Variants in OTC observed in about 807,000 individuals in gnomAD.
OTC encodes ornithine transcarbamylase.
Under a neutral mutation model 30.3 loss-of-function variants are expected in OTC, and 3 were observed. The observed-to-expected ratio is 0.10, with a 90% CI of 0.05 to 0.26. The LOEUF is 0.26. Among genes scored for constraint, OTC ranks in the 10% least tolerant of loss-of-function variants. The probability of loss-of-function intolerance (pLI) is 1.00; values close to 1 mark genes in which losing one functional copy is unlikely to be tolerated. For synonymous variants in OTC, 111 were observed against 99.7 expected (o/e 1.11, Z -0.67); for missense variants, 194 against 260.3 (o/e 0.75, Z 1.75).
At chrX:38,332,522 A>ATATATATATATATATATATC in the OTC span, among the ~76,000 whole-genome samples, 1 of 88,372 alleles carries the variant, frequency 1.1e-5, no homozygotes, top group East Asian at 3.5e-4. Context: ...ATATATATAT[A>ATATATATATATATATATATC]TATATATATA....
At chrX:38,344,236 TATATACAC>T in the OTC span, among the ~76,000 whole-genome samples, 11 of 33,005 alleles carry the variant, frequency 3.3e-4, no homozygotes, top group African/African-American at 1.3e-3. Flanking sequence ...GTGATATATA[TATATACAC>T]ACACACACAC....
At chrX:38,392,890 T>G (rs2068435929) in intron 4 of OTC, among the ~76,000 whole-genome samples, 1 of 112,607 alleles carries the variant, frequency 8.9e-6, no homozygotes. Context: ...GTCCTTTGTT[T>G]ACAGTCCAAT....
chrX:38,398,886 T>C (rs761292439), intron 4 of OTC, among the ~76,000 whole-genome samples: 1 of 111,407 alleles, frequency 9.0e-6, no homozygotes, highest in Non-Finnish European at 1.9e-5. Context: ...CTGGGAACCA[T>C]TGTCTTAGGG....
intron 9 of OTC, among the ~76,000 whole-genome samples, chrX:38,418,402 T>G (rs2068579830): frequency 8.9e-6 from 1 of 112,343 alleles, no homozygotes; most frequent in African/African-American, 3.2e-5. Flanking sequence ...GATGTATGGT[T>G]TACAAATATT....
At chrX:38,412,893 G>T (rs995744773) in intron 9 of OTC, among the ~76,000 whole-genome samples, 2 of 112,265 alleles carry the variant, frequency 1.8e-5, no homozygotes, top group African/African-American at 6.5e-5. Context: ...TGACACTGTG[G>T]TTCTTTTGTA....
At chrX:38,414,133 A>G (rs1430773045) in intron 9 of OTC, among the ~76,000 whole-genome samples, 4 of 112,038 alleles carry the variant, frequency 3.6e-5, no homozygotes, top group South Asian at 3.7e-4. Flanking sequence ...GTTTTTCATC[A>G]GAAGACAATT....
intron 4 of OTC, among the ~76,000 whole-genome samples, chrX:38,387,291 T>C (rs1445145777): frequency 8.9e-6 from 1 of 112,059 alleles, no homozygotes; most frequent in Non-Finnish European, 1.9e-5. Context: ...TGCAGAAGCT[T>C]TTTAGATCTC....
chrX:38,399,812 T>G (rs1168248908), intron 4 of OTC, among the ~76,000 whole-genome samples: 2 of 111,437 alleles, frequency 1.8e-5, no homozygotes, highest in Non-Finnish European at 3.8e-5. Flanking sequence ...ACCCCTTGTC[T>G]TAGTCCACCA....
intron 9 of OTC, among the ~76,000 whole-genome samples, chrX:38,416,583 T>G (rs1295173634): frequency 7.1e-5 from 8 of 112,218 alleles, no homozygotes; most frequent in African/African-American, 1.9e-4. Context: ...CAATATTTTA[T>G]AGTCATTTAC....
intron 4 of OTC, among the ~76,000 whole-genome samples, chrX:38,384,843 T>C (rs191522096): frequency 3.6e-5 from 4 of 112,590 alleles, no homozygotes; most frequent in African/African-American, 1.3e-4. Flanking sequence ...GCCAGTCTCT[T>C]GAAAGCTGTT....
At chrX:38,417,575 A>G (rs940916461) in intron 9 of OTC, among the ~76,000 whole-genome samples, 1 of 111,660 alleles carries the variant, frequency 9.0e-6, no homozygotes, top group Admixed American at 9.5e-5. Context: ...CATCTCATAC[A>G]GTAGGAAAGG....
rs72558451 is a variant in OTC, at chrX:38,408,966, C to G, written c.808C>G (p.Gln270Glu). 7.8e-5 allele frequency: 80 copies of G among 1,026,011 alleles called. No homozygotes were observed. Among genetic ancestry groups the G allele is most frequent in the Non-Finnish European group, 1.0e-4 (77 of 757,632 alleles). 84.6% of individuals were successfully genotyped at this position (1,026,011 alleles called of 1,213,427 possible). A position where few individuals can be genotyped will look rare whatever the true frequency, so the allele number is the denominator to read the frequency against. ...TACAGACACTTGGATAAGCATGGGA[C>G]AAGAAGAGGAGAAGAAAAAGCGGCT... The part of the protein sequence containing the change: ...LITDTWISMG[Q>E]EEEKKKRLQA... Residue 270 changes from glutamine to glutamate, a missense_variant, in exon 8 of 10, where the codon CAA becomes GAA. Coordinates refer to ENST00000039007, the MANE Select transcript of OTC (RefSeq NM_000531.6).
At chrX:38,359,023 C>G (rs919088074) in intron 1 of OTC, among the ~76,000 whole-genome samples, 9 of 111,724 alleles carry the variant, frequency 8.1e-5, no homozygotes, top group African/African-American at 2.6e-4. Context: ...GCTTTTGTCC[C>G]CAAGAACCCT....
chrX:38,404,545 G>A (rs1466179270), intron 6 of OTC, among the ~76,000 whole-genome samples: 2 of 111,818 alleles, frequency 1.8e-5, no homozygotes, highest in Non-Finnish European at 3.8e-5. Flanking sequence ...TTACACAAAC[G>A]TAGATGGTAT....
intron 3 of OTC, among the ~76,000 whole-genome samples, chrX:38,375,657 G>A (rs1204633720): frequency 9.0e-6 from 1 of 111,246 alleles, no homozygotes; most frequent in Admixed American, 9.6e-5. Context: ...GAAAGGGGAA[G>A]GTTGGGAATT....
At chrX:38,389,257 A>T (rs958076905) in intron 4 of OTC, among the ~76,000 whole-genome samples, 1 of 111,539 alleles carries the variant, frequency 9.0e-6, no homozygotes, top group African/African-American at 3.3e-5. Flanking sequence ...ACCCACTATA[A>T]CCACATATCC....
the OTC span, among the ~76,000 whole-genome samples, chrX:38,340,744 T>A: frequency 9.0e-6 from 1 of 110,714 alleles, no homozygotes; most frequent in Non-Finnish European, 1.9e-5. Context: ...CCATTATAAA[T>A]CTAACCACTC....
chrX:38,399,587 A>G (rs2147340274), intron 4 of OTC, among the ~76,000 whole-genome samples: 1 of 110,524 alleles, frequency 9.0e-6, no homozygotes, highest in Non-Finnish European at 1.9e-5. Flanking sequence ...TGTCTCTACT[A>G]AAAATACAAA....
At chrX:38,375,757 G>A (rs1409773481) in intron 3 of OTC, among the ~76,000 whole-genome samples, 1 of 111,446 alleles carries the variant, frequency 9.0e-6, no homozygotes, top group Non-Finnish European at 1.9e-5. Flanking sequence ...CTGGAATTTG[G>A]GAGTGAAATC....
Sources: allele counts gnomAD v4.1 joint callset (sites outside exome capture counted in the v4.1 genomes callset), GRCh38; gene constraint gnomAD v4.1.1; transcripts MANE v1.5; gene names NCBI Gene and HGNC (gene_info 2026-07-23, HGNC 2026-07-21).